Variants in LRRK1 observed in about 807,000 individuals in gnomAD.
The protein encoded by LRRK1 is leucine-rich repeat serine/threonine-protein kinase 1.
A neutral mutation model predicts 209.1 loss-of-function variants in LRRK1; 113 were observed. That is an observed-to-expected ratio of 0.54 (90% CI 0.46 to 0.63). The LOEUF (loss-of-function observed/expected upper bound fraction) is 0.63. Ranked by LOEUF, LRRK1 falls within the 30% of genes least tolerant of loss-of-function variation. The pLI is 0.00. For synonymous variants in LRRK1, 1,144 were observed against 1,099.7 expected (o/e 1.04, Z -0.80); for missense variants, 2,284 against 2,632.2 (o/e 0.87, Z 2.89).
chr15:100,923,442 C>G (rs937469511), intron 1 of LRRK1, among the ~76,000 whole-genome samples: 1 of 152,218 alleles, frequency 6.6e-6, no homozygotes, highest in Non-Finnish European at 1.5e-5. Context: ...TCAGAGTTGT[C>G]TATCTGAGAG....
chr15:101,056,966 C>G lies in LRRK1; in HGVS notation c.4443C>G (p.Arg1481=), dbSNP rs925582655. 1.9e-6 allele frequency: 3 copies of G among 1,614,182 alleles called. No homozygotes were observed. The highest frequency in any genetic ancestry group is 1.3e-5 in the African/African-American group (1 of 75,056). Residue 1481 remains arginine, a synonymous_variant, in exon 28 of 34, where the codon CGC becomes CGG. Coordinates refer to ENST00000388948, the MANE Select transcript of LRRK1 (RefSeq NM_024652.6). ...QIAKKLSKGI[R]PVLGQPEEVQ... ...CCAAGAAGCTGTCCAAGGGCATCCG[C>G]CCGGTTCTGGGGCAGCCGGAGGAAG...
At chr15:100,984,513 T>C (rs897949942) in intron 4 of LRRK1, among the ~76,000 whole-genome samples, 1 of 20,578 alleles carries the variant, frequency 4.9e-5, no homozygotes, top group African/African-American at 2.0e-4. Context: ...CCCTGGCCCC[T>C]GGCAACTACT....
intron 2 of LRRK1, among the ~76,000 whole-genome samples, chr15:100,965,360 T>G (rs1430900830): frequency 6.6e-6 from 1 of 152,210 alleles, no homozygotes; most frequent in Non-Finnish European, 1.5e-5. Context: ...TGAAAGCAAT[T>G]ATCAAGAACT....
At chr15:100,923,023 C>G (rs2042047022) in intron 1 of LRRK1, among the ~76,000 whole-genome samples, 1 of 152,212 alleles carries the variant, frequency 6.6e-6, no homozygotes, top group African/African-American at 2.4e-5. Flanking sequence ...TCTTCTAGAA[C>G]CTACCCGCTG....
Position 101,027,564 on chromosome 15 carries a change from C to G in LRRK1, c.2527-74C>G, listed in dbSNP as rs569353468. ...TCCCACCCCCTCAGGCCACAGGGGC[C>G]GGGCAGGATCTGCCCAAGCTGGCAG... On this transcript the variant is annotated intron_variant, in intron 18 of 33. Coordinates refer to ENST00000388948, the MANE Select transcript of LRRK1 (RefSeq NM_024652.6). The surrounding 1 kb of genome is among the most constrained non-coding windows in gnomAD (Gnocchi z 5.1). 5.8e-6 allele frequency: 9 copies of G among 1,558,408 alleles called. No homozygotes were observed. The highest frequency in any genetic ancestry group is 7.8e-6 in the Non-Finnish European group (9 of 1,150,126).
chr15:100,959,587 T>G (rs1341353845), intron 2 of LRRK1, among the ~76,000 whole-genome samples: 2 of 151,902 alleles, frequency 1.3e-5, no homozygotes, highest in African/African-American at 4.8e-5. Flanking sequence ...GAAATGAGAG[T>G]GCAGTCTGGC....
chr15:101,008,921 C>T lies in LRRK1; in HGVS notation c.847C>T (p.Leu283Phe). The T allele has an allele frequency of 6.2e-7, 1 of 1,614,172 alleles. No homozygotes were observed. Among genetic ancestry groups the T allele is most frequent in the Non-Finnish European group, 8.5e-7 (1 of 1,180,014 alleles). The change falls in exon 7 of 34, where the codon CTC becomes TTC. Residue 283 changes from leucine to phenylalanine, a missense_variant. Physicochemically the swap from Leu to Phe is conservative, Grantham distance 22. This residue lies in a region of LRRK1 where 494 missense variants were observed against 522.1 expected (regional missense o/e 0.95). Transcript: ENST00000388948. ...LIDISCQITE[L>F]DLSANCLATL... ...AGACATCTCCTGCCAGATCACGGAG[C>T]TCGACCTTTCTGCCAACTGCCTGGC...
At chr15:100,940,651 G>A (rs764689936) in intron 2 of LRRK1, among the ~76,000 whole-genome samples, 1 of 152,180 alleles carries the variant, frequency 6.6e-6, no homozygotes, top group Non-Finnish European at 1.5e-5. Context: ...CAAGACATCA[G>A]TAATATTTAT....
At chr15:101,007,739 G>A (rs2033029808) in intron 6 of LRRK1, among the ~76,000 whole-genome samples, 1 of 152,180 alleles carries the variant, frequency 6.6e-6, no homozygotes, top group African/African-American at 2.4e-5. Flanking sequence ...GTGCAAAGTT[G>A]GCTCTCTCGG....
intron 16 of LRRK1, 91 bp from the exon 17 acceptor site, chr15:101,025,874 A>G (rs2034004024): frequency 7.1e-7 from 1 of 1,405,732 alleles, no homozygotes; most frequent in Middle Eastern, 1.9e-4. Flanking sequence ...CGTGGCATCC[A>G]GGGTCAGCGC....
chr15:101,028,769 T>C (rs970473091), intron 19 of LRRK1, among the ~76,000 whole-genome samples, 187 bp from the exon 20 acceptor site: 7 of 152,180 alleles, frequency 4.6e-5, no homozygotes, highest in Admixed American at 3.9e-4. Context: ...TTGGCAAGAG[T>C]TACCAGGGGC....
At position 101,045,985 on chromosome 15, in the gene LRRK1, C is replaced by T; in HGVS notation, c.2968C>T (p.Leu990Phe). The T allele has an allele frequency of 1.2e-6, 2 of 1,614,124 alleles. No homozygotes were observed. The highest frequency in any genetic ancestry group is 1.1e-5 in the South Asian group (1 of 91,090). ...IALPVANDSY[L>F]LPHLLPSKPG... ...GTCCCCCTTGGTGTGTTTCAGCTAC[C>T]TCCTGCCCCATCTCCTTCCATCTAA... is the stretch of plus-strand genomic sequence containing the variant. The change falls in exon 21 of 34, where the codon CTC becomes TTC. Residue 990 changes from leucine to phenylalanine, a missense_variant. By Grantham distance (22) the Leu-to-Phe change is conservative. Coordinates refer to ENST00000388948, the MANE Select transcript of LRRK1 (RefSeq NM_024652.6).
chr15:100,961,471 G>T (rs1025437130), intron 2 of LRRK1, among the ~76,000 whole-genome samples: 2 of 152,140 alleles, frequency 1.3e-5, no homozygotes, highest in Admixed American at 1.3e-4. Context: ...TGGCCAACAT[G>T]GTGAAACCCT....
chr15:100,935,881 A>G (rs564773789), intron 2 of LRRK1, among the ~76,000 whole-genome samples: 3 of 152,204 alleles, frequency 2.0e-5, no homozygotes, highest in African/African-American at 7.2e-5. Flanking sequence ...TCTCTTCCAC[A>G]CACCTTCTCA....
At chr15:101,042,219 T>C (rs763923332) in intron 20 of LRRK1, among the ~76,000 whole-genome samples, 8 of 152,068 alleles carry the variant, frequency 5.3e-5, no homozygotes, top group Non-Finnish European at 1.0e-4. Flanking sequence ...ACAAATTCTC[T>C]TTTTTAGACA....
Position 101,065,207 on chromosome 15 carries a change from C to T in LRRK1, c.4915-145C>T. The T allele has an allele frequency of 3.4e-6, 3 of 884,512 alleles. No individual in the cohort carries two copies. The Admixed American group carries it at 7.9e-5, about 23-fold the overall frequency. 54.8% of individuals were successfully genotyped at this position (884,512 alleles called of 1,614,324 possible). A position where few individuals can be genotyped will look rare whatever the true frequency, so the allele number is the denominator to read the frequency against. ...TTCTTTAGGAGTAGCCCCGGCCTTT[C>T]TAAGAGATTTGCTGCCCTGAGGCGC... On this transcript the variant is annotated intron_variant, in intron 31 of 33. Transcript: ENST00000388948.
intron 19 of LRRK1, among the ~76,000 whole-genome samples, chr15:101,028,012 C>T (rs763495827): frequency 1.7e-4 from 26 of 152,178 alleles, no homozygotes; most frequent in South Asian, 4.1e-4. Context: ...GTGTTTGCCA[C>T]GAGGACAGAC....
intron 20 of LRRK1, among the ~76,000 whole-genome samples, chr15:101,038,184 A>G (rs2034575130): frequency 6.6e-6 from 1 of 152,204 alleles, no homozygotes; most frequent in Non-Finnish European, 1.5e-5. Flanking sequence ...ATGCAAAGGC[A>G]TAAGAATAAT....
At position 101,027,424 on chromosome 15, in the gene LRRK1, C is replaced by G. The variant is rs1385052312; in HGVS notation, c.2526+43C>G. 6.3e-7 allele frequency: 1 copy of G among 1,598,064 alleles called. No individual in the cohort carries two copies. Among genetic ancestry groups the G allele is most frequent in the African/African-American group, 1.3e-5 (1 of 74,630 alleles). ...CCAGTTTAAACCAGTCTGCCTGCTT[C>G]CCATTGTTGGGGGTCCTCACTTCCC... On this transcript the variant is annotated intron_variant, in intron 18 of 33. Coordinates refer to ENST00000388948, the MANE Select transcript of LRRK1 (RefSeq NM_024652.6). This position sits in a 1 kb window ranked among gnomAD's most constrained non-coding sequence, Gnocchi z 5.1.
Sources: gnomAD v4.1 joint callset for allele counts (sites outside exome capture counted in the v4.1 genomes callset) on GRCh38, gnomAD v4.1.1 for gene constraint, gnomAD v4.1.1 regional missense constraint, Gnocchi (gnomAD v3.1) non-coding constraint, MANE v1.5 for transcripts, NCBI Gene and HGNC (gene_info 2026-07-23, HGNC 2026-07-21) for gene names.